HSD11B1: variants seen among roughly 807,000 people sequenced by gnomAD.
The protein encoded by HSD11B1 is hydroxysteroid 11-beta dehydrogenase 1, also known as 11-beta-hydroxysteroid dehydrogenase 1.
Under a neutral mutation model 22.1 loss-of-function variants are expected in HSD11B1, and 15 were observed. The observed-to-expected ratio is 0.68, with a 90% CI of 0.45 to 1.04. The LOEUF (loss-of-function observed/expected upper bound fraction) is 1.04. HSD11B1 is among the 50% of genes least tolerant of loss of function. The pLI is 0.00. For synonymous variants in HSD11B1, 122 were observed against 125.2 expected (o/e 0.97, Z 0.17); for missense variants, 281 against 357.6 (o/e 0.79, Z 1.73).
At chr1:209,717,581 T>C (rs1218514981) in intron 4 of HSD11B1, among the ~76,000 whole-genome samples, 3 of 151,886 alleles carry the variant, frequency 2.0e-5, no homozygotes, top group African/African-American at 7.3e-5. Context: ...ATTGGCCAGG[T>C]GAAATGGATC....
chr1:209,732,318 GA>G, intron 4 of HSD11B1, 117 bp from the exon 5 acceptor site: 1 of 1,073,110 alleles, frequency 9.3e-7, no homozygotes, highest in Non-Finnish European at 1.4e-6. Flanking sequence ...GGGGAATATA[GA>G]GAAACTAAGA....
Position 209,706,905 on chromosome 1 carries a change from A to G in HSD11B1, c.332-38A>G. ...TTGGGAGGAGAATGGGAAAGGTATC[A>G]ACCCCAGATGATTTCTTAATATAGC... On this transcript the variant is annotated intron_variant, in intron 3 of 5. Coordinates refer to ENST00000367027, the MANE Select transcript of HSD11B1 (RefSeq NM_005525.4). The surrounding 1 kb of genome is among the most constrained non-coding windows in gnomAD (Gnocchi z 4.0). 3 of 1,611,150 alleles carry G rather than the reference A, an allele frequency of 1.9e-6. No homozygotes were observed. Among genetic ancestry groups the G allele is most frequent in the Non-Finnish European group, 2.5e-6 (3 of 1,177,272 alleles).
At chr1:209,692,033 C>T (rs2076762373) in intron 1 of HSD11B1, among the ~76,000 whole-genome samples, 1 of 151,096 alleles carries the variant, frequency 6.6e-6, no homozygotes, top group African/African-American at 2.4e-5. Context: ...TTTTTAAGCC[C>T]TCCTCATGTA....
chr1:209,732,371 C>T (rs972558511), intron 4 of HSD11B1, 65 bp from the exon 5 acceptor site: 18 of 1,565,394 alleles, frequency 1.1e-5, no homozygotes, highest in Non-Finnish European at 1.6e-5. Flanking sequence ...ACAAAGCCTA[C>T]TACAGCTCTG....
Position 209,707,026 on chromosome 1 carries a change from A to G in HSD11B1, c.415A>G (p.Ser139Gly). The G allele has an allele frequency of 6.2e-7, 1 of 1,614,142 alleles. No individual in the cohort carries two copies. The highest frequency in any genetic ancestry group is 8.5e-7 in the Non-Finnish European group (1 of 1,179,990). Residue 139 changes from serine (S) to glycine (G), a missense_variant, in exon 4 of 6, where the codon AGC becomes GGC. Ser to Gly is a moderately conservative substitution (Grantham distance 56). Coordinates refer to ENST00000367027, the MANE Select transcript of HSD11B1 (RefSeq NM_005525.4). The stretch of plus-strand genomic sequence containing the variant: ...TGATGATATTCACCATGTGCGCAAA[A>G]GCATGGAAGTCAACTTCCTCAGTTA... ...FHDDIHHVRK[S>G]MEVNFLSYVV...
intron 4 of HSD11B1, among the ~76,000 whole-genome samples, 196 bp from the exon 5 acceptor site, chr1:209,732,239 GC>G (rs1345864020): frequency 6.6e-6 from 1 of 152,160 alleles, no homozygotes; most frequent in South Asian, 2.1e-4. Context: ...CTGTCCTGCA[GC>G]CCAATCCCAC....
At chr1:209,729,381 C>A (rs567857331) in intron 4 of HSD11B1, among the ~76,000 whole-genome samples, 1 of 151,924 alleles carries the variant, frequency 6.6e-6, no homozygotes, top group African/African-American at 2.4e-5. Context: ...CACACACACA[C>A]ACACACACAC....
At chr1:209,698,210 GATA>G (rs1301821655) in intron 1 of HSD11B1, among the ~76,000 whole-genome samples, 1 of 148,434 alleles carries the variant, frequency 6.7e-6, no homozygotes. Flanking sequence ...TAGATAGATA[GATA>G]GATAGGAAGG....
At chr1:209,715,563 A>G (rs1018857708) in intron 4 of HSD11B1, among the ~76,000 whole-genome samples, 1 of 152,242 alleles carries the variant, frequency 6.6e-6, no homozygotes, top group African/African-American at 2.4e-5. Flanking sequence ...ACACATTACC[A>G]GGACACAGAG....
intron 4 of HSD11B1, among the ~76,000 whole-genome samples, chr1:209,724,452 C>A (rs766914393): frequency 6.6e-6 from 1 of 152,156 alleles, no homozygotes; most frequent in Non-Finnish European, 1.5e-5. Flanking sequence ...TTTCCATGTT[C>A]CCTGTAAGTG....
At chr1:209,711,075 C>A (rs2076891906) in intron 4 of HSD11B1, among the ~76,000 whole-genome samples, 1 of 152,208 alleles carries the variant, frequency 6.6e-6, no homozygotes, top group African/African-American at 2.4e-5. Context: ...CTTGCTGGAT[C>A]TTAACCTATT....
chr1:209,686,378 AAAT>A (rs1170585116), intron 1 of HSD11B1: 8 of 152,246 alleles, frequency 5.3e-5, no homozygotes, highest in African/African-American at 1.9e-4. Flanking sequence ...TCTGCTATTG[AAAT>A]AATTAATCTA....
intron 4 of HSD11B1, among the ~76,000 whole-genome samples, chr1:209,720,271 T>C (rs986146507): frequency 6.6e-6 from 1 of 152,170 alleles, no homozygotes; most frequent in Non-Finnish European, 1.5e-5. Flanking sequence ...ACATGTATCA[T>C]TTGATGGGGT....
chr1:209,714,291 G>C (rs1320148307), intron 4 of HSD11B1, among the ~76,000 whole-genome samples: 1 of 152,086 alleles, frequency 6.6e-6, no homozygotes, highest in East Asian at 1.9e-4. Context: ...CTATTGGAAG[G>C]GTTTTTATTT....
At chr1:209,720,738 A>G in intron 4 of HSD11B1, among the ~76,000 whole-genome samples, 1 of 152,244 alleles carries the variant, frequency 6.6e-6, no homozygotes, top group South Asian at 2.1e-4. Flanking sequence ...AAAGGATATT[A>G]TTGGCACACA....
chr1:209,690,196 C>A (rs2076751035), intron 1 of HSD11B1, among the ~76,000 whole-genome samples: 1 of 152,114 alleles, frequency 6.6e-6, no homozygotes, highest in Non-Finnish European at 1.5e-5. Context: ...TGCCAAGCTA[C>A]TTAGGAGGCT....
At chr1:209,690,505 T>C (rs1481036330) in intron 1 of HSD11B1, among the ~76,000 whole-genome samples, 1 of 152,110 alleles carries the variant, frequency 6.6e-6, no homozygotes, top group East Asian at 1.9e-4. Flanking sequence ...AAGACCAACC[T>C]GGCCAACATA....
At chr1:209,727,135 G>T (rs143288950) in intron 4 of HSD11B1, among the ~76,000 whole-genome samples, 1 of 152,338 alleles carries the variant, frequency 6.6e-6, no homozygotes, top group East Asian at 1.9e-4. Context: ...AAGAGTAAAA[G>T]ACACAGACAG....
intron 4 of HSD11B1, among the ~76,000 whole-genome samples, chr1:209,730,105 C>T (rs1464603210): frequency 5.3e-5 from 8 of 152,028 alleles, no homozygotes; most frequent in Admixed American, 4.6e-4. Flanking sequence ...TTTTATTCAA[C>T]GTAGTACTGG....
Sources: gnomAD v4.1 joint callset for allele counts (sites outside exome capture counted in the v4.1 genomes callset) on GRCh38, gnomAD v4.1.1 for gene constraint, Gnocchi (gnomAD v3.1) non-coding constraint, MANE v1.5 for transcripts, NCBI Gene and HGNC (gene_info 2026-07-23, HGNC 2026-07-21) for gene names.